The following DMD variants were observed in gnomAD, a reference collection of about 807,000 sequenced individuals.
DMD encodes dystrophin, also known as mutant dystrophin.
In DMD, 63 loss-of-function variants were observed where a neutral mutation model predicts 330.1. The observed-to-expected ratio is 0.19, with a 90% CI of 0.16 to 0.24. The LOEUF is 0.24. Ranked by LOEUF, DMD falls within the 10% of genes least tolerant of loss-of-function variation. The pLI is 1.00. For synonymous variants in DMD, 1,223 were observed against 959.8 expected (o/e 1.27, Z -5.07); for missense variants, 3,344 against 2,684.1 (o/e 1.25, Z -5.43).
intron 55 of DMD, among the ~76,000 whole-genome samples, chrX:31,539,201 C>A (rs2073635178): frequency 9.0e-6 from 1 of 111,702 alleles, no homozygotes; most frequent in African/African-American, 3.3e-5. Flanking sequence ...CCATGTCTTT[C>A]AGGGGTAAAC....
chrX:31,396,982 A>G (rs969981718), intron 60 of DMD, among the ~76,000 whole-genome samples: 2 of 111,800 alleles, frequency 1.8e-5, no homozygotes, highest in Admixed American at 9.5e-5. Flanking sequence ...TGATGAGAAA[A>G]GTCTTCCTAA....
intron 7 of DMD, among the ~76,000 whole-genome samples, chrX:32,795,700 TTTG>T (rs1278617797): frequency 8.9e-6 from 1 of 112,040 alleles, no homozygotes; most frequent in East Asian, 2.8e-4. Flanking sequence ...GGAGAAAAGA[TTTG>T]TAAACTATTC....
chrX:32,318,441 TTC>T (rs2097592855), intron 41 of DMD, among the ~76,000 whole-genome samples: 1 of 111,742 alleles, frequency 8.9e-6, no homozygotes, highest in African/African-American at 3.2e-5. Flanking sequence ...AATAACAGCA[TTC>T]TGACAGTACT....
intron 55 of DMD, among the ~76,000 whole-genome samples, chrX:31,599,386 T>C (rs967472373): frequency 4.5e-5 from 5 of 112,257 alleles, no homozygotes; most frequent in African/African-American, 1.6e-4. Context: ...TTCTATTTCC[T>C]TGGCATTCTT....
intron 44 of DMD, among the ~76,000 whole-genome samples, chrX:32,178,940 T>TTCTC (rs528690053): frequency 0.037 from 2,541 of 68,502 alleles, 75 homozygotes; most frequent in Admixed American, 0.075. Flanking sequence ...AAACCCCAGA[T>TTCTC]TCTCTCTCTC....
chrX:32,781,320 A>G (rs12007069), intron 7 of DMD, among the ~76,000 whole-genome samples: 9,142 of 110,508 alleles, frequency 0.083, 987 homozygotes, highest in African/African-American at 0.29. Flanking sequence ...TATTTTTTGA[A>G]GGTTAGGAAT....
chrX:33,290,091 C>G (rs1282335969), intron 1 of DMD, among the ~76,000 whole-genome samples: 4 of 111,693 alleles, frequency 3.6e-5, no homozygotes, highest in African/African-American at 1.3e-4. Flanking sequence ...ATTTATTAAA[C>G]TTCTCTTGTC....
At position 33,246,509 on chromosome X, in the gene DMD, T is replaced by A. The variant is rs778113274; in HGVS notation, c.7+92750A>T. 7.2e-5 allele frequency among the ~76,000 whole-genome samples: 8 copies of A among 111,853 alleles called. No homozygotes were observed. In the South Asian group the frequency reaches 1.1e-3, roughly 16 times the overall value. ...TTAGTGTGGCCCTTACTGTTTACCC[T>A]AGAGATAGTGAATTCTGTTACTTGA... On this transcript the variant is annotated intron_variant, in intron 1 of 17. Coordinates refer to the DMD transcript ENST00000288447.
intron 11 of DMD, 64 bp from the exon 12 acceptor site, chrX:32,614,517 T>C: frequency 1.1e-6 from 1 of 936,065 alleles, no homozygotes; most frequent in Non-Finnish European, 1.5e-6. Context: ...AACATCACAA[T>C]GTAAAACAAT....
intron 9 of DMD, among the ~76,000 whole-genome samples, chrX:32,664,650 A>T (rs756640814): frequency 1.1e-4 from 12 of 112,128 alleles, no homozygotes; most frequent in Non-Finnish European, 2.3e-4. Context: ...GTGAAACCTT[A>T]CTGACACAGG....
intron 60 of DMD, among the ~76,000 whole-genome samples, chrX:31,383,200 C>T (rs1203516247): frequency 9.0e-6 from 1 of 111,068 alleles, no homozygotes; most frequent in Non-Finnish European, 1.9e-5. Context: ...AGAGGACAAC[C>T]CCCCTTTGAC....
chrX:31,811,339 T>C (rs945170518), intron 50 of DMD, among the ~76,000 whole-genome samples: 14 of 112,032 alleles, frequency 1.2e-4, no homozygotes, highest in South Asian at 3.7e-4. Flanking sequence ...AGGGACCCCC[T>C]ACTGCCTTCA....
intron 48 of DMD, among the ~76,000 whole-genome samples, chrX:31,858,579 C>T (rs1177016589): frequency 1.7e-5 from 1 of 60,577 alleles, no homozygotes; most frequent in Non-Finnish European, 2.9e-5. Flanking sequence ...AATGCTAAAA[C>T]TTAAAGTATA....
intron 2 of DMD, among the ~76,000 whole-genome samples, chrX:32,934,630 C>T (rs1018427531): frequency 2.7e-5 from 3 of 111,659 alleles, no homozygotes; most frequent in Non-Finnish European, 5.6e-5. Context: ...ATATTTGATG[C>T]ATAAAAGAAT....
rs1278027471 is a variant in DMD at position 33,065,347 on chromosome X, T to C, written c.32-45147A>G. 4.4e-5 allele frequency among the ~76,000 whole-genome samples: 5 copies of C among 112,682 alleles called. No individual in the cohort carries two copies. In the Admixed American group the frequency reaches 4.7e-4, roughly 11 times the overall value. ...CTAGAAATTTCAAATGTTTGATATG[T>C]TAAATATTTTTATTTGTAGAGTTCT... On this transcript the variant is annotated intron_variant, in intron 1 of 78. Transcript: ENST00000357033.
intron 1 of DMD, among the ~76,000 whole-genome samples, chrX:33,021,349 T>C (rs946265392): frequency 3.5e-5 from 3 of 86,040 alleles, no homozygotes; most frequent in Admixed American, 2.5e-4. Context: ...TATTAAAATG[T>C]TTTTCTCCAA....
rs368269067 is a variant in DMD at position 32,786,086 on chromosome X, A to AGTGTGTGTGTGTGT, written c.649+23393_649+23406dup. The stretch of plus-strand genomic sequence containing the variant: ...CTCTTGCCTCTTGAGGAGGAATAAG[A>AGTGTGTGTGTGTGT]GTGTGTGTGTGTGTGTGTGTGTGTG... On this transcript the variant is annotated intron_variant, in intron 7 of 78. Coordinates refer to ENST00000357033, the MANE Select transcript of DMD (RefSeq NM_004006.3). 2.3e-3 allele frequency among the ~76,000 whole-genome samples: 218 copies of AGTGTGTGTGTGTGT among 96,564 alleles called. 1 individual carries two copies. The highest frequency in any genetic ancestry group is 7.8e-3 in the African/African-American group (202 of 25,829). 83.9% of individuals were successfully genotyped at this position (96,564 alleles called of 115,157 possible).
At chrX:33,101,110 GTTTA>G (rs1569554634) in intron 1 of DMD, among the ~76,000 whole-genome samples, 1 of 111,959 alleles carries the variant, frequency 8.9e-6, no homozygotes, top group East Asian at 2.8e-4. Context: ...CAATCGCAGC[GTTTA>G]TTTGTTTATT....
intron 43 of DMD, among the ~76,000 whole-genome samples, chrX:32,264,975 T>C (rs1477703431): frequency 8.9e-6 from 1 of 112,361 alleles, no homozygotes; most frequent in East Asian, 2.8e-4. Context: ...GAAGATGCAA[T>C]AGAAAAGAAA....
Sources: gnomAD v4.1 joint callset for allele counts (sites outside exome capture counted in the v4.1 genomes callset) on GRCh38, gnomAD v4.1.1 for gene constraint, MANE v1.5 for transcripts, NCBI Gene and HGNC (gene_info 2026-07-23, HGNC 2026-07-21) for gene names.